PPP1R1C: variants seen among roughly 807,000 people sequenced by gnomAD.
The protein encoded by PPP1R1C is protein phosphatase 1 regulatory inhibitor subunit 1C.
In PPP1R1C, 15 loss-of-function variants were observed where a neutral mutation model predicts 17.4. The ratio of observed to expected loss-of-function variants is 0.86; its 90% CI spans 0.58 to 1.33. The LOEUF (loss-of-function observed/expected upper bound fraction) is 1.33, where lower values mean the gene tolerates loss of function less well. Among genes scored for constraint, PPP1R1C ranks in the 40% most tolerant of loss-of-function variants. The pLI is 0.00. For missense variants in PPP1R1C, 143 were observed against 130.0 expected (o/e 1.10, Z -0.48); for synonymous variants, 35 against 43.1 (o/e 0.81, Z 0.73).
chr2:181,961,273 G>A lies in PPP1R1C; in HGVS notation n.111+6639G>A. The A allele has an allele frequency of 1.3e-6, 1 of 756,292 alleles. No homozygotes were observed. The highest frequency in any genetic ancestry group is 1.8e-5 in the Admixed American group (1 of 55,156). 46.8% of individuals were successfully genotyped at this position (756,292 alleles called of 1,614,324 possible). The stretch of plus-strand genomic sequence containing the variant: ...TGCGGCGGGTGGTGGTCTTTGGATG[G>A]TTTGCATGGAGTTGCTGTTGTCCAG... On this transcript the variant is annotated intron_variant and non_coding_transcript_variant, in intron 1 of 5. Coordinates refer to the PPP1R1C transcript ENST00000464264. This position sits in a 1 kb window ranked among gnomAD's most constrained non-coding sequence, Gnocchi z 5.8.
intron 2 of PPP1R1C, among the ~76,000 whole-genome samples, chr2:182,003,117 C>A (rs1359484780): frequency 1.3e-5 from 2 of 152,096 alleles, no homozygotes; most frequent in Admixed American, 6.6e-5. Context: ...ACAAAGGAGT[C>A]ACATAAATTG....
At chr2:181,964,265 G>A (rs1222072228) in intron 1 of PPP1R1C, among the ~76,000 whole-genome samples, 1 of 152,162 alleles carries the variant, frequency 6.6e-6, no homozygotes, top group Non-Finnish European at 1.5e-5. Flanking sequence ...ATGACTTCCA[G>A]TTCCATCCAT....
intron 2 of PPP1R1C, among the ~76,000 whole-genome samples, chr2:181,997,992 G>A (rs1309384231): frequency 6.6e-6 from 1 of 152,104 alleles, no homozygotes; most frequent in Non-Finnish European, 1.5e-5. Flanking sequence ...TGTCCTATGT[G>A]TTTTTATTGT....
intron 2 of PPP1R1C, among the ~76,000 whole-genome samples, chr2:182,006,502 A>C (rs1685928264): frequency 6.6e-6 from 1 of 152,330 alleles, no homozygotes; most frequent in East Asian, 1.9e-4. Flanking sequence ...TTCTGGTGAC[A>C]CACATTGGTT....
chr2:182,117,419 C>T lies in PPP1R1C; in HGVS notation c.*124C>T, dbSNP rs563319334. The T allele has an allele frequency of 6.2e-5, 41 of 661,542 alleles. No individual in the cohort carries two copies. The South Asian group carries it at 8.4e-4, about 14-fold the overall frequency. The allele number at this position is 661,542 out of a possible 1,614,324, so 41.0% of individuals were successfully genotyped here. On this transcript the variant is annotated 3_prime_UTR_variant, in exon 5 of 5. Coordinates refer to ENST00000682840, the MANE Select transcript of PPP1R1C (RefSeq NM_001080545.3). The stretch of plus-strand genomic sequence containing the variant: ...TCCATCTCTGCACCCCACACTCATA[C>T]AGTAGCTATGCACATCCTGGAAGTC...
chr2:182,098,473 G>C (rs903678230), intron 4 of PPP1R1C, among the ~76,000 whole-genome samples: 1 of 152,028 alleles, frequency 6.6e-6, no homozygotes, highest in African/African-American at 2.4e-5. Context: ...TTTATGTAAA[G>C]AGTATTAACT....
At chr2:182,036,330 T>C (rs1687002917) in intron 2 of PPP1R1C, among the ~76,000 whole-genome samples, 1 of 152,216 alleles carries the variant, frequency 6.6e-6, no homozygotes, top group Admixed American at 6.5e-5. Context: ...AATAGTTTTG[T>C]TGAGATTAAA....
intron 4 of PPP1R1C, among the ~76,000 whole-genome samples, chr2:182,077,777 C>T (rs1472144922): frequency 6.6e-6 from 1 of 152,194 alleles, no homozygotes; most frequent in Non-Finnish European, 1.5e-5. Flanking sequence ...AAGCACTTCA[C>T]ACTCAGTGCT....
intron 4 of PPP1R1C, among the ~76,000 whole-genome samples, chr2:182,078,220 C>T (rs757131127): frequency 3.3e-5 from 5 of 152,168 alleles, no homozygotes; most frequent in Non-Finnish European, 5.9e-5. Context: ...TGGGGTTAAA[C>T]TAAGGGAATA....
At chr2:182,059,184 T>C (rs1687774985) in intron 2 of PPP1R1C, among the ~76,000 whole-genome samples, 1 of 152,106 alleles carries the variant, frequency 6.6e-6, no homozygotes, top group Non-Finnish European at 1.5e-5. Flanking sequence ...AGTTTTACAT[T>C]TTCCTCCCAA....
intron 1 of PPP1R1C, among the ~76,000 whole-genome samples, chr2:181,964,012 G>C (rs1206686324): frequency 2.0e-5 from 3 of 151,938 alleles, no homozygotes; most frequent in African/African-American, 7.3e-5. Flanking sequence ...AATTATTGTT[G>C]ACTGTATTCA....
intron 2 of PPP1R1C, among the ~76,000 whole-genome samples, chr2:182,008,101 T>A (rs1258883243): frequency 1.5e-4 from 21 of 135,690 alleles, no homozygotes; most frequent in Admixed American, 3.0e-4. Context: ...AAAAATAAAA[T>A]AAAATGAAAT....
chr2:182,064,015 T>C (rs1687917778), intron 4 of PPP1R1C: 2 of 450,820 alleles, frequency 4.4e-6, no homozygotes, highest in Non-Finnish European at 7.9e-6. Context: ...AGAATTTCAG[T>C]CTAGAAATTC....
intron 2 of PPP1R1C, among the ~76,000 whole-genome samples, chr2:182,028,502 T>G (rs1686699509): frequency 6.6e-6 from 1 of 152,210 alleles, no homozygotes; most frequent in Admixed American, 6.5e-5. Context: ...GTTCTTCAGT[T>G]TCCATGTAGT....
chr2:182,063,793 TA>T lies in PPP1R1C; in HGVS notation c.241+3del. On this transcript the variant is annotated splice_donor_region_variant and intron_variant, in intron 4 of 4. Transcript: ENST00000682840. The stretch of plus-strand genomic sequence containing the variant: ...TGTACACACCACCCACCATAAAAGG[TA>T]CTGTTCAGGTACTGTTTCGGGTTGT... 1 of 1,611,898 alleles carries T rather than the reference TA, an allele frequency of 6.2e-7. No homozygotes were observed. The highest frequency in any genetic ancestry group is 1.1e-5 in the South Asian group (1 of 91,048).
intron 2 of PPP1R1C, among the ~76,000 whole-genome samples, chr2:182,002,154 A>T (rs576213334): frequency 6.6e-6 from 1 of 151,572 alleles, no homozygotes; most frequent in African/African-American, 2.4e-5. Context: ...TCTTCTTAGC[A>T]TTTTTTCCTG....
chr2:181,982,219 A>G (rs1685206315), upstream of PPP1R1C, among the ~76,000 whole-genome samples: 1 of 152,236 alleles, frequency 6.6e-6, no homozygotes, highest in African/African-American at 2.4e-5. Context: ...AAGTATTGAC[A>G]GTTATCAGAT....
chr2:182,018,859 T>C (rs1022828784), intron 2 of PPP1R1C, among the ~76,000 whole-genome samples: 1 of 152,146 alleles, frequency 6.6e-6, no homozygotes, highest in Non-Finnish European at 1.5e-5. Context: ...ACTTGAATCA[T>C]TGATTGGCTA....
chr2:181,982,012 A>G (rs994214578), upstream of PPP1R1C, among the ~76,000 whole-genome samples: 7 of 152,232 alleles, frequency 4.6e-5, no homozygotes, highest in South Asian at 4.1e-4. Context: ...TTGTTAAACA[A>G]AGTCACGTCT....
Sources: allele counts gnomAD v4.1 joint callset (sites outside exome capture counted in the v4.1 genomes callset), GRCh38; gene constraint gnomAD v4.1.1; non-coding constraint Gnocchi (gnomAD v3.1); transcripts MANE v1.5; gene names NCBI Gene and HGNC (gene_info 2026-07-23, HGNC 2026-07-21).